Variants in USH2A observed in about 807,000 individuals in gnomAD.
The protein encoded by USH2A is Usher syndrome 2A (autosomal recessive, mild).
USH2A carries 443 observed loss-of-function variants against 538.9 expected under a neutral mutation model. That is an observed-to-expected ratio of 0.82 (90% CI 0.76 to 0.89). The LOEUF is 0.89. Ranked by LOEUF, USH2A falls within the 40% of genes least tolerant of loss-of-function variation. USH2A has a pLI of 0.00. For synonymous variants in USH2A, 2,413 were observed against 2,273.5 expected (o/e 1.06, Z -1.75); for missense variants, 6,633 against 6,324.8 (o/e 1.05, Z -1.65).
intron 32 of USH2A, among the ~76,000 whole-genome samples, chr1:216,030,588 T>C (rs181324729): frequency 5.5e-4 from 81 of 146,004 alleles, no homozygotes; most frequent in African/African-American, 1.2e-3. Flanking sequence ...TATAGATATA[T>C]ATCACAGATA....
intron 35 of USH2A, among the ~76,000 whole-genome samples, chr1:215,979,168 A>G (rs1301156498): frequency 6.6e-6 from 1 of 152,138 alleles, no homozygotes; most frequent in East Asian, 1.9e-4. Flanking sequence ...TCCCCTTTAT[A>G]AAACCATTAG....
chr1:216,004,372 G>T (rs1668342415), intron 32 of USH2A, among the ~76,000 whole-genome samples: 2 of 152,148 alleles, frequency 1.3e-5, no homozygotes, highest in African/African-American at 4.8e-5. Flanking sequence ...GACAGAGAGT[G>T]ACCAGTAAGG....
At chr1:216,230,057 G>A (rs2035645826) in intron 14 of USH2A, among the ~76,000 whole-genome samples, 1 of 152,200 alleles carries the variant, frequency 6.6e-6, no homozygotes, top group South Asian at 2.1e-4. Context: ...AAGGGGATGA[G>A]TAGAACAAAA....
chr1:215,991,155 T>C (rs1336463156), intron 35 of USH2A, among the ~76,000 whole-genome samples: 1 of 152,176 alleles, frequency 6.6e-6, no homozygotes, highest in African/African-American at 2.4e-5. Flanking sequence ...GAAACAATTT[T>C]TGACTCTAGG....
chr1:216,132,565 A>G (rs1251559528), intron 21 of USH2A, among the ~76,000 whole-genome samples: 1 of 152,052 alleles, frequency 6.6e-6, no homozygotes, highest in African/African-American at 2.4e-5. Flanking sequence ...TAACTCTCTC[A>G]GTTCCCACAC....
intron 4 of USH2A, among the ~76,000 whole-genome samples, chr1:216,347,198 C>T (rs190961230): frequency 1.3e-3 from 200 of 151,968 alleles, no homozygotes; most frequent in African/African-American, 4.7e-3. Flanking sequence ...AGCCATATTC[C>T]CAACTATGCA....
At chr1:216,361,262 A>G (rs2038486115) in intron 4 of USH2A, among the ~76,000 whole-genome samples, 1 of 152,150 alleles carries the variant, frequency 6.6e-6, no homozygotes, top group Non-Finnish European at 1.5e-5. Context: ...TCTATTCCAG[A>G]TAGAACATAG....
chr1:216,384,597 T>G (rs1281773040), intron 3 of USH2A, among the ~76,000 whole-genome samples: 1 of 152,144 alleles, frequency 6.6e-6, no homozygotes, highest in East Asian at 1.9e-4. Flanking sequence ...GCTGCACCTC[T>G]GAAATTTACC....
intron 32 of USH2A, among the ~76,000 whole-genome samples, chr1:216,031,768 C>T (rs12121718): frequency 0.18 from 26,645 of 152,158 alleles, 2,692 homozygotes; most frequent in South Asian, 0.29. Context: ...TCCCACCTTG[C>T]TTCTCACTAT....
chr1:215,875,654 T>C (rs1317055161), intron 43 of USH2A, among the ~76,000 whole-genome samples: 2 of 151,978 alleles, frequency 1.3e-5, no homozygotes, highest in African/African-American at 4.8e-5. Flanking sequence ...AAATTAACTT[T>C]TGGAAACTTA....
chr1:215,627,452 C>T (rs1558027593), intron 71 of USH2A, among the ~76,000 whole-genome samples: 1 of 132,244 alleles, frequency 7.6e-6, no homozygotes, highest in Non-Finnish European at 1.7e-5. Flanking sequence ...TTCCTTCCTT[C>T]CTTCCTTCCT....
intron 32 of USH2A, among the ~76,000 whole-genome samples, chr1:216,043,694 G>T (rs1021659274): frequency 8.6e-5 from 13 of 152,040 alleles, no homozygotes; most frequent in African/African-American, 3.1e-4. Context: ...GGTGGTATTA[G>T]AAATTGATGT....
Position 216,048,575 on chromosome 1 carries a change from G to C in USH2A, c.6122C>G (p.Thr2041Ser). 1.2e-6 allele frequency: 2 copies of C among 1,614,100 alleles called. No homozygotes were observed. Among genetic ancestry groups the C allele is most frequent in the Non-Finnish European group, 1.7e-6 (2 of 1,179,988 alleles). ...GATGTTCAATGCATGTGAGCTCTCA[G>C]TACAGCCAGCCAAAGTGCAAGCAGT... ...TLTACTLAGC[T>S]ESSHALNIST... Residue 2041 changes from threonine to serine, a missense_variant, in exon 31 of 72, where the codon ACT becomes AGT. Transcript: ENST00000307340.
chr1:216,070,068 A>G (rs1168349792), intron 30 of USH2A, 33 bp downstream of exon 30: 2 of 1,611,396 alleles, frequency 1.2e-6, no homozygotes, highest in Non-Finnish European at 1.7e-6. Context: ...AAGGAAGTTA[A>G]TAGGGTCTAC....
At chr1:216,010,303 A>G (rs994765610) in intron 32 of USH2A, among the ~76,000 whole-genome samples, 6 of 152,182 alleles carry the variant, frequency 3.9e-5, no homozygotes, top group African/African-American at 7.2e-5. Context: ...TCTGGCCACC[A>G]GGCCAGGGAA....
intron 9 of USH2A, among the ~76,000 whole-genome samples, chr1:216,314,311 TATC>T (rs1419282885): frequency 6.6e-6 from 1 of 152,164 alleles, no homozygotes; most frequent in Non-Finnish European, 1.5e-5. Flanking sequence ...AGATTAATAA[TATC>T]ATCATGTCAG....
In USH2A at chr1:216,400,256, CTAAA is replaced by C. The variant is rs529005431; in HGVS notation, c.651+18254_651+18257del. ...TATATATAAAAGATCCAAACGGAAA[CTAAA>C]TAACTGAAACATACAACCATTGAAA... On this transcript the variant is annotated intron_variant, in intron 3 of 71. Transcript: ENST00000307340. 1.7e-3 allele frequency among the ~76,000 whole-genome samples: 253 copies of C among 149,852 alleles called. 5 individuals are homozygous for C. The highest frequency in any genetic ancestry group is 5.9e-3 in the African/African-American group (240 of 40,834).
chr1:216,142,122 C>T (rs1360434862), intron 21 of USH2A, among the ~76,000 whole-genome samples: 1 of 152,058 alleles, frequency 6.6e-6, no homozygotes. Context: ...TCATTCACTC[C>T]TTATTGTAAA....
chr1:216,012,019 G>A lies in USH2A; in HGVS notation c.6326-11457C>T, dbSNP rs1668588093. ...TTTTGAGACGGAGTCTCGCTCTGTC[G>A]CCCAGGCCGGACTGCGGACTGCAGT... On this transcript the variant is annotated intron_variant, in intron 32 of 71. Coordinates refer to ENST00000307340, the MANE Select transcript of USH2A (RefSeq NM_206933.4). Among the ~76,000 whole-genome samples the A allele has an allele frequency of 3.5e-5, 2 of 56,854 alleles. 1 individual carries two copies. The highest frequency in any genetic ancestry group is 1.3e-4 in the African/African-American group (2 of 15,798). The allele number at this position is 56,854 out of a possible 152,430, so 37.3% of individuals were successfully genotyped here.
Sources: gnomAD v4.1 joint callset for allele counts (sites outside exome capture counted in the v4.1 genomes callset) on GRCh38, gnomAD v4.1.1 for gene constraint, MANE v1.5 for transcripts, NCBI Gene and HGNC (gene_info 2026-07-23, HGNC 2026-07-21) for gene names.